Variants in ARFGEF1 observed in about 807,000 individuals in gnomAD.
The protein encoded by ARFGEF1 is brefeldin A-inhibited guanine nucleotide-exchange protein 1.
In ARFGEF1, 42 loss-of-function variants were observed where a neutral mutation model predicts 231.0. The ratio of observed to expected loss-of-function variants is 0.18; its 90% CI spans 0.14 to 0.24. The LOEUF is 0.24. Ranked by LOEUF, ARFGEF1 falls within the 10% of genes least tolerant of loss-of-function variation. ARFGEF1 has a pLI of 1.00. For missense variants in ARFGEF1, 1,345 were observed against 2,192.0 expected (o/e 0.61, Z 7.72); for synonymous variants, 710 against 732.3 (o/e 0.97, Z 0.49).
intron 1 of ARFGEF1, among the ~76,000 whole-genome samples, chr8:67,332,802 A>G (rs1808159894): frequency 6.6e-6 from 1 of 152,126 alleles, no homozygotes; most frequent in Non-Finnish European, 1.5e-5. Flanking sequence ...GTGCAACACA[A>G]CTCCCAAGAT....
chr8:67,317,223 A>C (rs1359823584), intron 1 of ARFGEF1, among the ~76,000 whole-genome samples: 1 of 152,094 alleles, frequency 6.6e-6, no homozygotes, highest in Non-Finnish European at 1.5e-5. Flanking sequence ...ACAAAACCAC[A>C]ATCCTGAAAT....
At chr8:67,338,663 AAAC>A (rs1169170871) in intron 1 of ARFGEF1, among the ~76,000 whole-genome samples, 1 of 152,242 alleles carries the variant, frequency 6.6e-6, no homozygotes. Context: ...AGTGTCCTAA[AAAC>A]AAATCTGAAA....
intron 29 of ARFGEF1, among the ~76,000 whole-genome samples, chr8:67,222,716 G>T (rs1839241550): frequency 6.6e-6 from 1 of 152,200 alleles, no homozygotes; most frequent in Admixed American, 6.5e-5. Context: ...CTCCCAAAGT[G>T]CTGGGATTAT....
At chr8:67,197,072 T>C (rs1432923155), downstream of ARFGEF1, among the ~76,000 whole-genome samples, 1 of 152,182 alleles carries the variant, frequency 6.6e-6, no homozygotes, top group African/African-American at 2.4e-5. Context: ...TATTGCAAAC[T>C]GTGCTGAAGA....
At chr8:67,237,614 C>T (rs1262442737) in intron 22 of ARFGEF1, among the ~76,000 whole-genome samples, 10 of 152,134 alleles carry the variant, frequency 6.6e-5, no homozygotes, top group Admixed American at 6.5e-4. Context: ...TCGAATATAC[C>T]AGCCATTATG....
chr8:67,187,640 C>T (rs1369428382), intron 5 of ARFGEF1, among the ~76,000 whole-genome samples: 3 of 151,594 alleles, frequency 2.0e-5, no homozygotes, highest in South Asian at 4.2e-4. Context: ...GCTATGATCA[C>T]GCCACTAAAC....
chr8:67,309,379 A>G (rs1326711467), intron 1 of ARFGEF1, among the ~76,000 whole-genome samples: 1 of 152,248 alleles, frequency 6.6e-6, no homozygotes, highest in African/African-American at 2.4e-5. Flanking sequence ...TCTTCTTTGC[A>G]TTCCTAGCAT....
At chr8:67,230,771 T>C (rs959052483) in intron 23 of ARFGEF1, among the ~76,000 whole-genome samples, 4 of 152,100 alleles carry the variant, frequency 2.6e-5, no homozygotes, top group Non-Finnish European at 4.4e-5. Context: ...CATTATGAAA[T>C]TGGTCTAATT....
Position 67,259,914 on chromosome 8 carries a change from T to C in ARFGEF1, c.2136A>G (p.Lys712=). The part of the protein sequence containing the change: ...IEQGIDLFNK[K]PKRGIQYLQE... ...GGAGGTACTGTATTCCTCTCTTTGG[T>C]TTCTTATTAAATCTAGATGATGTTA... Residue 712 remains lysine (K), a synonymous_variant, in exon 15 of 39, where the codon AAA becomes AAG. Transcript: ENST00000262215. The C allele has an allele frequency of 6.2e-7, 1 of 1,603,886 alleles. No individual in the cohort carries two copies. The highest frequency in any genetic ancestry group is 2.2e-5 in the East Asian group (1 of 44,772).
rs771627826 is a variant in ARFGEF1 at position 67,211,530 on chromosome 8, G to T, written c.4772C>A (p.Ser1591Tyr). 2 of 1,594,864 alleles carry T rather than the reference G, an allele frequency of 1.3e-6. No individual in the cohort carries two copies. The highest frequency in any genetic ancestry group is 4.5e-5 in the East Asian group (2 of 44,442). The change falls in exon 34 of 39, where the codon TCT (serine) becomes TAT (tyrosine). Residue 1591 changes from serine to tyrosine, a missense_variant. Physicochemically the swap from Ser to Tyr is moderately radical, Grantham distance 144. Transcript: ENST00000262215. ...VDNRPQAPLV[S>Y]ASAVNEEVSK... ...GACTTCTTCATTAACAGCAGACGCA[G>T]AAACCAGTGGTGCTTGTGGTCTGTT...
At chr8:67,331,829 GCT>G (rs1374117308) in intron 1 of ARFGEF1, among the ~76,000 whole-genome samples, 6 of 152,200 alleles carry the variant, frequency 3.9e-5, no homozygotes, top group South Asian at 2.1e-4. Flanking sequence ...CCTCCTCAGT[GCT>G]CTGTTGTTTA....
chr8:67,254,240 A>C (rs905345613), intron 17 of ARFGEF1, among the ~76,000 whole-genome samples: 10 of 152,354 alleles, frequency 6.6e-5, no homozygotes, highest in Admixed American at 3.3e-4. Context: ...TGGAGTCTGT[A>C]AGACGGTAAC....
chr8:67,197,257 G>A (rs1211252339), downstream of ARFGEF1, among the ~76,000 whole-genome samples: 2 of 151,964 alleles, frequency 1.3e-5, no homozygotes, highest in African/African-American at 4.8e-5. Context: ...GACCAGCCTG[G>A]GCAATATAGT....
intron 34 of ARFGEF1, among the ~76,000 whole-genome samples, chr8:67,208,058 C>T (rs1057137128): frequency 6.6e-6 from 1 of 152,180 alleles, no homozygotes; most frequent in Admixed American, 6.5e-5. Flanking sequence ...AGAAAAGCCA[C>T]TCGCTATTCT....
chr8:67,202,127 T>C (rs1326323694), intron 36 of ARFGEF1, among the ~76,000 whole-genome samples: 1 of 152,240 alleles, frequency 6.6e-6, no homozygotes, highest in Non-Finnish European at 1.5e-5. Flanking sequence ...CTGTTTCAAA[T>C]AAGCAAACAT....
chr8:67,234,129 A>C (rs1478573322), intron 22 of ARFGEF1, among the ~76,000 whole-genome samples: 2 of 152,126 alleles, frequency 1.3e-5, no homozygotes, highest in Admixed American at 1.3e-4. Context: ...CCAAACACTC[A>C]ATAAATGCCC....
downstream of ARFGEF1, among the ~76,000 whole-genome samples, chr8:67,196,620 G>C (rs1318374061): frequency 6.6e-6 from 1 of 152,056 alleles, no homozygotes. Flanking sequence ...TTTGAGTTTT[G>C]GCTACTTGTA....
At chr8:67,216,722 A>G in intron 32 of ARFGEF1, 60 bp from the exon 33 acceptor site, 1 of 1,296,962 alleles carries the variant, frequency 7.7e-7, no homozygotes, top group Non-Finnish European at 1.1e-6. Flanking sequence ...CACATCCAGC[A>G]TATTTTGAAA....
chr8:67,258,997 T>TATAAGTA (rs1840556689), intron 15 of ARFGEF1, among the ~76,000 whole-genome samples: 1 of 152,132 alleles, frequency 6.6e-6, no homozygotes, highest in African/African-American at 2.4e-5. Context: ...TCTACTCCCA[T>TATAAGTA]ATCTAGATTA....
Sources: gnomAD v4.1 joint callset for allele counts (sites outside exome capture counted in the v4.1 genomes callset) on GRCh38, gnomAD v4.1.1 for gene constraint, MANE v1.5 for transcripts, NCBI Gene and HGNC (gene_info 2026-07-23, HGNC 2026-07-21) for gene names.